UBAP2L: variants seen among roughly 807,000 people sequenced by gnomAD.
UBAP2L encodes the protein ubiquitin associated protein 2 like.
A neutral mutation model predicts 130.6 loss-of-function variants in UBAP2L; 12 were observed. The ratio of observed to expected loss-of-function variants is 0.09; its 90% CI spans 0.06 to 0.15. The LOEUF is 0.15. Ranked by LOEUF, UBAP2L falls within the 10% of genes least tolerant of loss-of-function variation. The pLI is 1.00. For missense variants in UBAP2L, 965 were observed against 1,332.5 expected (o/e 0.72, Z 4.29); for synonymous variants, 503 against 524.7 (o/e 0.96, Z 0.57).
At chr1:154,252,487 G>A (rs189492233) in intron 14 of UBAP2L, among the ~76,000 whole-genome samples, 3 of 150,534 alleles carry the variant, frequency 2.0e-5, no homozygotes, top group Admixed American at 6.6e-5. Flanking sequence ...CACCATGTTG[G>A]CCAGGCTGGT....
Position 154,251,130 on chromosome 1 carries a change from C to T in UBAP2L, c.1303C>T (p.Leu435Phe), listed in dbSNP as rs1344592039. The change falls in exon 13 of 27, where the codon CTT (leucine) becomes TTT (phenylalanine). Residue 435 changes from leucine (L) to phenylalanine (F), a missense_variant. By Grantham distance (22) the Leu-to-Phe change is conservative. Around this residue, in one of 9 missense-constraint regions of UBAP2L, gnomAD observed 74 missense variants for 97.1 expected, o/e 0.76. Coordinates refer to ENST00000428931, the MANE Select transcript of UBAP2L (RefSeq NM_014847.4). The stretch of plus-strand genomic sequence containing the variant: ...ATCTTCAACCATGATGGAGGTGTTC[C>T]TTCAGGAGAAGTCACCTGCAGTGGC... ...TPSSTMMEVF[L>F]QEKSPAVATS... The T allele has an allele frequency of 1.2e-6, 2 of 1,614,134 alleles. No homozygotes were observed. The highest frequency in any genetic ancestry group is 1.7e-5 in the Admixed American group (1 of 60,008).
intron 4 of UBAP2L, among the ~76,000 whole-genome samples, chr1:154,234,232 G>A (rs993765335): frequency 2.0e-5 from 3 of 152,082 alleles, no homozygotes; most frequent in Middle Eastern, 3.4e-3. Context: ...GCATGGTGTC[G>A]CGTGCCTGTA....
intron 9 of UBAP2L, 165 bp from the exon 10 acceptor site, chr1:154,243,052 A>T (rs1674099439): frequency 7.0e-6 from 4 of 571,490 alleles, no homozygotes; most frequent in Non-Finnish European, 1.3e-5. Context: ...TATTGAGCAT[A>T]TATTGAAGGG....
At chr1:154,231,596 C>A (rs878868908) in intron 4 of UBAP2L, among the ~76,000 whole-genome samples, 1 of 152,042 alleles carries the variant, frequency 6.6e-6, no homozygotes, top group Admixed American at 6.6e-5. Context: ...CCACCATCCC[C>A]GGCCCTGTTT....
Position 154,243,206 on chromosome 1 carries a change from C to T in UBAP2L, c.757-11C>T. The stretch of plus-strand genomic sequence containing the variant: ...CTGACACCAAGAGTGACTAATCCCT[C>T]TGTTTTCCAGCTTTCTGAGACCAAG... On this transcript the variant is annotated splice_polypyrimidine_tract_variant and intron_variant, in intron 9 of 26. Coordinates refer to ENST00000428931, the MANE Select transcript of UBAP2L (RefSeq NM_014847.4). The T allele has an allele frequency of 6.2e-7, 1 of 1,609,670 alleles. No homozygotes were observed. Among genetic ancestry groups the T allele is most frequent in the Admixed American group, 1.7e-5 (1 of 59,888 alleles).
Position 154,228,067 on chromosome 1 carries a change from AT to A in UBAP2L, c.169-545del, listed in dbSNP as rs548534185. Among the ~76,000 whole-genome samples the A allele has an allele frequency of 4.3e-3, 643 of 151,250 alleles. 3 individuals carry two copies. The highest frequency in any genetic ancestry group is 5.3e-3 in the Non-Finnish European group (361 of 67,892). Reference sequence around the variant, plus strand: ...TCATCCCTGAACCACAGATGTTAATATTTGGCTTTTGGAAATAGAATACCAA... The same window carrying A: ...TCATCCCTGAACCACAGATGTTAATATTGGCTTTTGGAAATAGAATACCAA... On this transcript the variant is annotated intron_variant, in intron 3 of 26. Transcript: ENST00000428931.
rs1676713534 is a variant in UBAP2L, at chr1:154,249,291, G to C, written c.1067G>C (p.Ser356Thr). ...FGDVGEAKGG[S>T]TTGSQFLEQF... The stretch of plus-strand genomic sequence containing the variant: ...GATGTCGGTGAAGCTAAAGGCGGCA[G>C]TACTACAGGCTCCCAGTTCTTGGAG... Residue 356 changes from serine (S) to threonine (T), a missense_variant, in exon 12 of 27, where the codon AGT becomes ACT. This residue lies in a region of UBAP2L where 99 missense variants were observed against 106.4 expected (regional missense o/e 0.93). Transcript: ENST00000428931. The C allele has an allele frequency of 6.2e-7, 1 of 1,614,078 alleles. No individual in the cohort carries two copies. Among genetic ancestry groups the C allele is most frequent in the Non-Finnish European group, 8.5e-7 (1 of 1,180,050 alleles).
chr1:154,250,939 C>A, intron 12 of UBAP2L, 102 bp from the exon 13 acceptor site: 1 of 1,251,994 alleles, frequency 8.0e-7, no homozygotes, highest in Non-Finnish European at 1.1e-6. Context: ...ATATGAGTTT[C>A]TGATTTTTAC....
intron 8 of UBAP2L, among the ~76,000 whole-genome samples, chr1:154,240,659 T>C (rs1190921812): frequency 6.6e-6 from 1 of 152,168 alleles, no homozygotes; most frequent in Non-Finnish European, 1.5e-5. Context: ...CTAATTCTCA[T>C]AGCAGATAGT....
intron 26 of UBAP2L, among the ~76,000 whole-genome samples, chr1:154,269,973 G>A (rs1041385348): frequency 1.3e-5 from 2 of 152,066 alleles, no homozygotes; most frequent in African/African-American, 2.4e-5. Flanking sequence ...TGTCTCTAAA[G>A]GTATCTTGCC....
chr1:154,255,408 G>A, intron 17 of UBAP2L, 82 bp downstream of exon 17: 1 of 1,533,194 alleles, frequency 6.5e-7, no homozygotes, highest in Non-Finnish European at 8.8e-7. Flanking sequence ...CCTTGACCTG[G>A]CAGAGACCAC....
chr1:154,220,202 C>T (rs1240387378), upstream of UBAP2L: 58 of 1,076,264 alleles, frequency 5.4e-5, no homozygotes, highest in Non-Finnish European at 8.2e-5. Flanking sequence ...CTTAAACTCC[C>T]ACCTACTCCT....
At chr1:154,228,763 C>A in intron 4 of UBAP2L, 38 bp downstream of exon 4, 1 of 1,475,822 alleles carries the variant, frequency 6.8e-7, no homozygotes, top group Non-Finnish European at 9.3e-7. Flanking sequence ...CATGGGTCCT[C>A]AATTGGGAGG....
chr1:154,250,088 C>G (rs1258643940), intron 12 of UBAP2L, among the ~76,000 whole-genome samples: 1 of 152,216 alleles, frequency 6.6e-6, no homozygotes, highest in African/African-American at 2.4e-5. Flanking sequence ...AAACATAAGA[C>G]AAGGTCTAGT....
downstream of UBAP2L, chr1:154,270,926 C>A: frequency 6.4e-7 from 1 of 1,550,454 alleles, no homozygotes; most frequent in Non-Finnish European, 8.7e-7. Context: ...ATAAGTATTA[C>A]TGTACCAACT....
chr1:154,235,845 C>CCT (rs1383464460), intron 6 of UBAP2L, among the ~76,000 whole-genome samples: 2 of 152,028 alleles, frequency 1.3e-5, no homozygotes, highest in Non-Finnish European at 2.9e-5. Context: ...AAGAGATCTT[C>CCT]CTGCTTGGCC....
Position 154,255,364 on chromosome 1 carries a change from TA to T in UBAP2L, c.2084+39del, listed in dbSNP as rs762213634. On this transcript the variant is annotated intron_variant, in intron 17 of 26. Coordinates refer to ENST00000428931, the MANE Select transcript of UBAP2L (RefSeq NM_014847.4). The stretch of plus-strand genomic sequence containing the variant: ...GAGGATGGAGGTTGGGGTTGGTGAA[TA>T]GCAATAACAGAGCTCTCTGGTCCTT... 42 of 1,607,224 alleles carry T rather than the reference TA, an allele frequency of 2.6e-5. No individual in the cohort carries two copies. In the African/African-American group the frequency reaches 4.7e-4, roughly 18 times the overall value.
In UBAP2L at chr1:154,265,659, C is replaced by T. The variant is rs151155029; in HGVS notation, c.2903-842C>T. 3.4e-4 allele frequency among the ~76,000 whole-genome samples: 51 copies of T among 152,100 alleles called. 1 individual carries two copies. The South Asian group carries it at 0.01, about 31-fold the overall frequency. The stretch of plus-strand genomic sequence containing the variant: ...GTTTGAGGAGTACAAATTAGAATGA[C>T]ATGTTGTACTACTCTGGTTTCTTTA... On this transcript the variant is annotated intron_variant, in intron 24 of 26. Transcript: ENST00000428931.
chr1:154,244,771 C>A (rs1200665537), intron 10 of UBAP2L, among the ~76,000 whole-genome samples: 3 of 152,158 alleles, frequency 2.0e-5, no homozygotes, highest in Non-Finnish European at 4.4e-5. Context: ...TTGTCCTCTG[C>A]AGGTATCCTG....
Sources: allele counts gnomAD v4.1 joint callset (sites outside exome capture counted in the v4.1 genomes callset), GRCh38; gene constraint gnomAD v4.1.1; regional missense constraint gnomAD v4.1.1; transcripts MANE v1.5; gene names NCBI Gene and HGNC (gene_info 2026-07-23, HGNC 2026-07-21).